LPP: variants seen among roughly 807,000 people sequenced by gnomAD.
LPP encodes LIM domain containing preferred translocation partner in lipoma, also known as lipoma-preferred partner.
A neutral mutation model predicts 60.4 loss-of-function variants in LPP; 38 were observed. The ratio of observed to expected loss-of-function variants is 0.63; its 90% CI spans 0.49 to 0.83. The LOEUF (loss-of-function observed/expected upper bound fraction) is 0.83, where lower values mean the gene tolerates loss of function less well. LPP is among the 40% of genes least tolerant of loss of function. The probability of loss-of-function intolerance (pLI) is 0.00; values close to 1 mark genes in which losing one functional copy is unlikely to be tolerated. For missense variants in LPP, 902 were observed against 783.6 expected, an observed-to-expected ratio of 1.15 and a Z score of -1.80; for synonymous variants, 328 against 290.8, an observed-to-expected ratio of 1.13 and a Z score of -1.30.
chr3:188,651,577 T>G (rs1393351343), intron 7 of LPP, among the ~76,000 whole-genome samples: 1 of 152,200 alleles, frequency 6.6e-6, no homozygotes, highest in African/African-American at 2.4e-5. Context: ...TAAAGAAGTT[T>G]CAATGGACTT....
chr3:188,349,171 C>A (rs1215268549), intron 3 of LPP, among the ~76,000 whole-genome samples: 1 of 151,972 alleles, frequency 6.6e-6, no homozygotes, highest in Non-Finnish European at 1.5e-5. Context: ...TTACTCAATT[C>A]CTAGAGGGGA....
intron 7 of LPP, among the ~76,000 whole-genome samples, chr3:188,650,044 T>G (rs1423205387): frequency 6.6e-6 from 1 of 152,206 alleles, no homozygotes; most frequent in East Asian, 1.9e-4. Context: ...ATGGTATGTT[T>G]CAGATTAGGA....
chr3:188,824,321 T>C (rs904521359), intron 9 of LPP, among the ~76,000 whole-genome samples: 7 of 152,198 alleles, frequency 4.6e-5, no homozygotes, highest in Non-Finnish European at 1.0e-4. Context: ...CTGTGCTATA[T>C]GATAGTTACC....
Position 188,736,113 on chromosome 3 carries a change from T to G in LPP, c.1241-24000T>G, listed in dbSNP as rs531338246. Among the ~76,000 whole-genome samples the G allele has an allele frequency of 2.6e-5, 4 of 152,326 alleles. No individual in the cohort carries two copies. The East Asian group carries it at 7.7e-4, about 29-fold the overall frequency. On this transcript the variant is annotated intron_variant, in intron 8 of 11. Transcript: ENST00000617246. The stretch of plus-strand genomic sequence containing the variant: ...CCAGATAGACTGCAAAACTTAATGT[T>G]TAGAAGCTAACAACTTTTTAAAAAC...
At chr3:188,717,386 A>T (rs1230720259) in intron 8 of LPP, among the ~76,000 whole-genome samples, 2 of 152,250 alleles carry the variant, frequency 1.3e-5, no homozygotes, top group African/African-American at 4.8e-5. Context: ...TTATTATGTG[A>T]CAAGAAAATG....
At chr3:188,496,087 AC>A (rs759970140) in intron 5 of LPP, among the ~76,000 whole-genome samples, 1 of 151,956 alleles carries the variant, frequency 6.6e-6, no homozygotes, top group Non-Finnish European at 1.5e-5. Context: ...TGTGAGTTTG[AC>A]TTGTACAGGG....
chr3:188,740,544 GAAGTGCTTTA>G (rs2150163150), intron 8 of LPP, among the ~76,000 whole-genome samples: 1 of 152,022 alleles, frequency 6.6e-6, no homozygotes, highest in South Asian at 2.1e-4. Flanking sequence ...TCTTTTATAA[GAAGTGCTTTA>G]TACTTCAGAA....
chr3:188,514,536 G>T (rs2150068025), intron 5 of LPP, among the ~76,000 whole-genome samples: 1 of 151,970 alleles, frequency 6.6e-6, no homozygotes, highest in Middle Eastern at 3.4e-3. Flanking sequence ...TCCCGGGTGG[G>T]TTCAAGTAAT....
chr3:188,179,774 C>A (rs1724368852), intron 1 of LPP: 1 of 316,272 alleles, frequency 3.2e-6, no homozygotes, highest in African/African-American at 2.2e-5. Context: ...CCCCTCTCCC[C>A]CTGAGTGAGC....
At chr3:188,216,955 T>C (rs1341846176) in intron 1 of LPP, among the ~76,000 whole-genome samples, 3 of 152,264 alleles carry the variant, frequency 2.0e-5, no homozygotes, top group Non-Finnish European at 2.9e-5. Flanking sequence ...CTAATTTTAT[T>C]AAATCTTTAT....
chr3:188,212,437 G>C (rs915240881), intron 1 of LPP, among the ~76,000 whole-genome samples: 2 of 152,070 alleles, frequency 1.3e-5, no homozygotes, highest in Non-Finnish European at 1.5e-5. Flanking sequence ...AATTTACTCC[G>C]AGTAAGGAAT....
At chr3:188,530,469 C>T (rs1402026108) in intron 6 of LPP, among the ~76,000 whole-genome samples, 2 of 152,154 alleles carry the variant, frequency 1.3e-5, no homozygotes, top group Admixed American at 6.5e-5. Flanking sequence ...AAAATGTGAT[C>T]ATAGAATATC....
At position 188,384,069 on chromosome 3, in the gene LPP, T is replaced by C. The variant is rs1578496844; in HGVS notation, c.-9-22043T>C. Among the ~76,000 whole-genome samples, 6 of 152,302 alleles carry C rather than the reference T, an allele frequency of 3.9e-5. 1 individual carries two copies. The East Asian group carries it at 9.7e-4, about 25-fold the overall frequency. On this transcript the variant is annotated intron_variant, in intron 3 of 11. Coordinates refer to ENST00000617246, the MANE Select transcript of LPP (RefSeq NM_001375462.1). The stretch of plus-strand genomic sequence containing the variant: ...GTTCTTGCTAATAGGATACCCAACA[T>C]ATTGAAAATGGTACTCCATTGTTTT...
At chr3:188,839,505 T>C (rs1428104902) in intron 9 of LPP, among the ~76,000 whole-genome samples, 1 of 152,144 alleles carries the variant, frequency 6.6e-6, no homozygotes, top group South Asian at 2.1e-4. Context: ...GGTTGTTCAT[T>C]TGAGTAAACA....
At chr3:188,242,024 T>C (rs1725088784) in intron 2 of LPP, among the ~76,000 whole-genome samples, 1 of 152,174 alleles carries the variant, frequency 6.6e-6, no homozygotes, top group African/African-American at 2.4e-5. Context: ...TGAGGCCAAA[T>C]CGCAGGGTGG....
At chr3:188,252,071 T>C (rs796210733) in intron 2 of LPP, among the ~76,000 whole-genome samples, 1,107 of 93,724 alleles carry the variant, frequency 0.012, 37 homozygotes, top group African/African-American at 0.052. Flanking sequence ...TATATATATA[T>C]ATATACACAC....
chr3:188,318,805 C>T (rs1018059688), intron 2 of LPP, among the ~76,000 whole-genome samples: 2 of 130,176 alleles, frequency 1.5e-5, no homozygotes, highest in African/African-American at 6.2e-5. Context: ...GTCGCCCAGG[C>T]TGGAGTGCAG....
At chr3:188,547,454 C>T (rs1325951747) in intron 6 of LPP, among the ~76,000 whole-genome samples, 1 of 152,300 alleles carries the variant, frequency 6.6e-6, no homozygotes, top group East Asian at 1.9e-4. Flanking sequence ...GTTACTTAGG[C>T]TCTCCAAGGT....
intron 9 of LPP, among the ~76,000 whole-genome samples, chr3:188,824,449 T>C (rs1754837764): frequency 6.6e-6 from 1 of 152,216 alleles, no homozygotes; most frequent in Non-Finnish European, 1.5e-5. Context: ...GGCTAGTGGC[T>C]ACAATATTGG....
Sources: gnomAD v4.1 joint callset for allele counts (sites outside exome capture counted in the v4.1 genomes callset) on GRCh38, gnomAD v4.1.1 for gene constraint, MANE v1.5 for transcripts, NCBI Gene and HGNC (gene_info 2026-07-23, HGNC 2026-07-21) for gene names.